NLGN1: variants seen among roughly 807,000 people sequenced by gnomAD.
NLGN1 encodes neuroligin 1.
A neutral mutation model predicts 65.5 loss-of-function variants in NLGN1; 12 were observed. The ratio of observed to expected loss-of-function variants is 0.18; its 90% CI spans 0.12 to 0.30. The LOEUF (loss-of-function observed/expected upper bound fraction) is 0.30, where lower values mean the gene tolerates loss of function less well. Ranked by LOEUF, NLGN1 falls within the 10% of genes least tolerant of loss-of-function variation. NLGN1 has a pLI of 1.00. For missense variants in NLGN1, 750 were observed against 1,007.1 expected (o/e 0.74, Z 3.46); for synonymous variants, 350 against 359.5 (o/e 0.97, Z 0.30).
chr3:174,237,038 C>T lies in NLGN1; in HGVS notation c.647-38277C>T, dbSNP rs1741841945. Among the ~76,000 whole-genome samples the T allele has an allele frequency of 2.0e-5, 3 of 152,010 alleles. No homozygotes were observed. In the South Asian group the frequency reaches 6.2e-4, roughly 31 times the overall value. The stretch of plus-strand genomic sequence containing the variant: ...GCAGTTGAGATACATCAACAAAATA[C>T]ACAACACATGGAACTTTGTTCTAGT... On this transcript the variant is annotated intron_variant, in intron 4 of 6. Coordinates refer to ENST00000457714, the Ensembl canonical transcript of NLGN1.
Position 174,126,190 on chromosome 3 carries a change from C to CTTTG in NLGN1, c.647-149108_647-149105dup, listed in dbSNP as rs748397762. Among the ~76,000 whole-genome samples, 42 of 152,026 alleles carry CTTTG rather than the reference C, an allele frequency of 2.8e-4. 1 individual carries two copies. The highest frequency in any genetic ancestry group is 1.0e-3 in the South Asian group (5 of 4,814). On this transcript the variant is annotated intron_variant, in intron 4 of 6. Transcript: ENST00000457714. ...TGGATTTGCTGTATTGTCACTGTTT[C>CTTTG]TTTGTTTGTTTGTTTGTTTGGGCTT...
intron 4 of NLGN1, among the ~76,000 whole-genome samples, chr3:173,845,917 T>C (rs1560483271): frequency 6.6e-6 from 1 of 152,164 alleles, no homozygotes; most frequent in Non-Finnish European, 1.5e-5. Context: ...TTTGTACTTA[T>C]TTATGTGTTA....
chr3:173,753,954 T>TATAATATAATATAAA (rs1776682984), intron 3 of NLGN1, among the ~76,000 whole-genome samples: 1 of 103,138 alleles, frequency 9.7e-6, no homozygotes, highest in Non-Finnish European at 2.4e-5. Flanking sequence ...AATAATATAA[T>TATAATATAATATAAA]ATAATATAAT....
chr3:174,093,314 A>G (rs1359479575), intron 4 of NLGN1, among the ~76,000 whole-genome samples: 1 of 152,222 alleles, frequency 6.6e-6, no homozygotes, highest in Non-Finnish European at 1.5e-5. Flanking sequence ...GCAAGTAATA[A>G]AGATACCTGT....
chr3:173,419,633 G>A (rs1160907570), intron 1 of NLGN1, among the ~76,000 whole-genome samples: 10 of 152,104 alleles, frequency 6.6e-5, no homozygotes, highest in African/African-American at 2.4e-4. Context: ...GAGCCACTGT[G>A]CCTGGCTCTG....
intron 4 of NLGN1, among the ~76,000 whole-genome samples, chr3:174,038,318 A>T (rs546945905): frequency 6.6e-6 from 1 of 152,186 alleles, no homozygotes; most frequent in Non-Finnish European, 1.5e-5. Context: ...AGCCTTTTCT[A>T]TCGAGTGTAC....
chr3:173,975,069 G>C (rs1717119359), intron 4 of NLGN1, among the ~76,000 whole-genome samples: 1 of 152,014 alleles, frequency 6.6e-6, no homozygotes, highest in Non-Finnish European at 1.5e-5. Flanking sequence ...ATGTTTCTAG[G>C]GCTGGGGTCT....
rs1049192886 is a variant in NLGN1, at chr3:173,559,915, G to A, written c.-320-44364G>A. On this transcript the variant is annotated intron_variant, in intron 2 of 6. Transcript: ENST00000457714. Reference sequence around the variant, plus strand: ...TAATGTAGATTATCATTTGACTTCAGTGATAATGTTACTTTGTCTAGATAC... The same window carrying A: ...TAATGTAGATTATCATTTGACTTCAATGATAATGTTACTTTGTCTAGATAC... Among the ~76,000 whole-genome samples the A allele has an allele frequency of 6.0e-5, 9 of 150,412 alleles. No individual in the cohort carries two copies. In the South Asian group the frequency reaches 8.4e-4, roughly 14 times the overall value.
At chr3:173,834,908 A>C (rs1173615526) in intron 4 of NLGN1, among the ~76,000 whole-genome samples, 2 of 152,240 alleles carry the variant, frequency 1.3e-5, no homozygotes, top group African/African-American at 4.8e-5. Flanking sequence ...TGAACTTCAC[A>C]TAAGAAGAGG....
intron 4 of NLGN1, among the ~76,000 whole-genome samples, chr3:174,012,649 T>A (rs1250558539): frequency 2.6e-5 from 4 of 152,302 alleles, no homozygotes; most frequent in South Asian, 4.1e-4. Flanking sequence ...TACTTGAAGA[T>A]TTGCATTTTA....
intron 3 of NLGN1, among the ~76,000 whole-genome samples, chr3:173,619,202 A>G (rs928341537): frequency 2.0e-5 from 3 of 152,152 alleles, no homozygotes; most frequent in Non-Finnish European, 4.4e-5. Flanking sequence ...TGCACACTGA[A>G]TAATTAGATT....
At chr3:173,475,981 A>C (rs1726136469) in intron 2 of NLGN1, among the ~76,000 whole-genome samples, 1 of 152,204 alleles carries the variant, frequency 6.6e-6, no homozygotes, top group Non-Finnish European at 1.5e-5. Flanking sequence ...TTCTTTAAGA[A>C]ATTATTGAAG....
chr3:174,279,358 A>G lies in NLGN1; in HGVS notation c.1357A>G (p.Arg453Gly). 2 of 1,613,476 alleles carry G rather than the reference A, an allele frequency of 1.2e-6. No homozygotes were observed. The highest frequency in any genetic ancestry group is 1.7e-6 in the Non-Finnish European group (2 of 1,179,606). Residue 453 changes from arginine to glycine, a missense_variant, in exon 6 of 7, where the codon AGA becomes GGA. By Grantham distance (125) the Arg-to-Gly change is moderately radical. Coordinates refer to ENST00000457714, the Ensembl canonical transcript of NLGN1. This position sits in a 1 kb window ranked among gnomAD's most constrained non-coding sequence, Gnocchi z 4.7. ...TGACCGTCATAACCCTGAAACCAGAAGAAAGACATTACTGGCTTTGTTTAC... is the reference window on the plus strand; with the variant it reads ...TGACCGTCATAACCCTGAAACCAGAGGAAAGACATTACTGGCTTTGTTTAC...
chr3:174,140,283 A>G (rs982607645), intron 4 of NLGN1, among the ~76,000 whole-genome samples: 4 of 152,154 alleles, frequency 2.6e-5, no homozygotes, highest in Non-Finnish European at 5.9e-5. Flanking sequence ...AGATGTGTTC[A>G]TTACCTAGAG....
intron 4 of NLGN1, among the ~76,000 whole-genome samples, chr3:173,878,656 A>G (rs1486337288): frequency 6.7e-6 from 1 of 149,622 alleles, no homozygotes; most frequent in Non-Finnish European, 1.5e-5. Context: ...ATGTGTATAT[A>G]TATATATACA....
intron 3 of NLGN1, among the ~76,000 whole-genome samples, chr3:173,680,957 T>G (rs1050957968): frequency 6.6e-6 from 1 of 152,204 alleles, no homozygotes; most frequent in Middle Eastern, 3.2e-3. Flanking sequence ...GCTACATTTT[T>G]TTTAAAACCC....
In NLGN1 at chr3:173,863,238, G is replaced by C. The variant is rs181593662; in HGVS notation, c.646+55406G>C. ...TATAAAAAATTAATGTGATTGTTCT[G>C]GTTTAACCAGAACATTCTCATTTAT... On this transcript the variant is annotated intron_variant, in intron 4 of 6. Coordinates refer to ENST00000457714, the Ensembl canonical transcript of NLGN1. 5.3e-5 allele frequency among the ~76,000 whole-genome samples: 8 copies of C among 151,168 alleles called. No individual in the cohort carries two copies. In the East Asian group the frequency reaches 1.6e-3, roughly 30 times the overall value.
exon 3 of NLGN1, chr3:173,604,655 C>G (rs777218375): frequency 1.9e-6 from 3 of 1,613,520 alleles, no homozygotes; most frequent in Admixed American, 1.7e-5. Flanking sequence ...TGATGGCATG[C>G]TTGGTACACC....
intron 3 of NLGN1, among the ~76,000 whole-genome samples, chr3:173,658,090 GA>G (rs767707817): frequency 1.3e-5 from 2 of 151,946 alleles, no homozygotes; most frequent in Non-Finnish European, 2.9e-5. Context: ...GGTAGTTAGA[GA>G]AATTTAACAG....
Sources: allele counts gnomAD v4.1 joint callset (sites outside exome capture counted in the v4.1 genomes callset), GRCh38; gene constraint gnomAD v4.1.1; non-coding constraint Gnocchi (gnomAD v3.1); transcripts MANE v1.5; gene names NCBI Gene and HGNC (gene_info 2026-07-23, HGNC 2026-07-21).